The following TMEM71 variants were observed in gnomAD, a reference collection of about 807,000 sequenced individuals.
TMEM71 encodes transmembrane protein 71.
TMEM71 carries 44 observed loss-of-function variants against 38.0 expected under a neutral mutation model. The observed-to-expected ratio is 1.16, with a 90% CI of 0.91 to 1.49. The LOEUF (loss-of-function observed/expected upper bound fraction) is 1.49, where lower values mean the gene tolerates loss of function less well. Among genes scored for constraint, TMEM71 ranks in the 40% most tolerant of loss-of-function variants. TMEM71 has a pLI of 0.00. For missense variants in TMEM71, 367 were observed against 348.6 expected, an observed-to-expected ratio of 1.05 and a Z score of -0.42; for synonymous variants, 133 against 122.5, an observed-to-expected ratio of 1.09 and a Z score of -0.56.
At chr8:132,741,773 G>C (rs1377408849) in intron 5 of TMEM71, among the ~76,000 whole-genome samples, 1 of 152,194 alleles carries the variant, frequency 6.6e-6, no homozygotes, top group Non-Finnish European at 1.5e-5. Context: ...CAGCATCACA[G>C]GGAGAAGGTT....
the TMEM71 span, among the ~76,000 whole-genome samples, chr8:132,773,690 T>A: frequency 3.9e-5 from 6 of 152,200 alleles, no homozygotes; most frequent in African/African-American, 1.4e-4. Flanking sequence ...ATTTTGAACA[T>A]CATTAGCAAC....
At chr8:132,775,111 A>G in the TMEM71 span, among the ~76,000 whole-genome samples, 3 of 152,226 alleles carry the variant, frequency 2.0e-5, no homozygotes, top group South Asian at 2.1e-4. Context: ...GTGGTTCCCA[A>G]CGAATCAAGA....
chr8:132,714,604 C>G lies in TMEM71; in HGVS notation c.753-389G>C, dbSNP rs551068441. Among the ~76,000 whole-genome samples the G allele has an allele frequency of 7.2e-5, 11 of 152,258 alleles. No homozygotes were observed. The South Asian group carries it at 2.3e-3, about 32-fold the overall frequency. On this transcript the variant is annotated intron_variant, in intron 7 of 9. Coordinates refer to ENST00000677595, the MANE Select transcript of TMEM71 (RefSeq NM_001382403.1). ...AAATGTAGATCGTAAAACTGTAAAA[C>G]TTCTAGAAGAAAACATGGGGGAATA...
intron 3 of TMEM71, among the ~76,000 whole-genome samples, chr8:132,755,356 T>C (rs1217218843): frequency 6.6e-6 from 1 of 152,210 alleles, no homozygotes; most frequent in Non-Finnish European, 1.5e-5. Context: ...CAAAATTTTC[T>C]CTAGATCTTG....
chr8:132,756,444 C>G lies in TMEM71; in HGVS notation c.101+790G>C, dbSNP rs535827679. On this transcript the variant is annotated intron_variant, in intron 3 of 9. Coordinates refer to ENST00000677595, the MANE Select transcript of TMEM71 (RefSeq NM_001382403.1). ...ATATATATATATATATATATATATTCATTATTCTATTAGGCAAGTTTTTAT... is the reference window on the plus strand; with the variant it reads ...ATATATATATATATATATATATATTGATTATTCTATTAGGCAAGTTTTTAT... Among the ~76,000 whole-genome samples the G allele has an allele frequency of 5.8e-3, 537 of 92,458 alleles. 6 individuals carry two copies. The highest frequency in any genetic ancestry group is 0.029 in the African/African-American group (511 of 17,808). 60.7% of individuals were successfully genotyped at this position (92,458 alleles called of 152,430 possible). A position where few individuals can be genotyped will look rare whatever the true frequency, so the allele number is the denominator to read the frequency against.
downstream of TMEM71, among the ~76,000 whole-genome samples, chr8:132,709,231 A>G (rs1026447371): frequency 6.6e-6 from 1 of 152,232 alleles, no homozygotes; most frequent in Non-Finnish European, 1.5e-5. Flanking sequence ...CTCCATATGC[A>G]TTTAGTTCTC....
At chr8:132,712,947 C>T (rs1183887468) in intron 9 of TMEM71, among the ~76,000 whole-genome samples, 1 of 152,068 alleles carries the variant, frequency 6.6e-6, no homozygotes, top group South Asian at 2.1e-4. Context: ...ACCTCCCAGG[C>T]TCAAGCAATT....
At chr8:132,763,700 C>T (rs760431525), upstream of TMEM71, among the ~76,000 whole-genome samples, 3 of 152,172 alleles carry the variant, frequency 2.0e-5, no homozygotes, top group Non-Finnish European at 4.4e-5. Flanking sequence ...CATAATATCT[C>T]CCAAGACCCC....
chr8:132,751,898 G>T lies in TMEM71; in HGVS notation c.201C>A (p.Leu67=), dbSNP rs1478195135. 2 of 1,614,074 alleles carry T rather than the reference G, an allele frequency of 1.2e-6. No individual in the cohort carries two copies. Among genetic ancestry groups the T allele is most frequent in the Non-Finnish European group, 8.5e-7 (1 of 1,180,028 alleles). The stretch of plus-strand genomic sequence containing the variant: ...TCCAAATATAGTAGCCATTGGTGAG[G>T]AGTCTGGGACTTCGGCGACAGGTAT... The part of the protein sequence containing the change: ...SHYTCRRSPR[L]LTNGYYIWTE... Residue 67 remains leucine (L), a synonymous_variant, in exon 4 of 10, where the codon CTC becomes CTA. Transcript: ENST00000677595.
chr8:132,758,618 C>T (rs1204114099), intron 2 of TMEM71: 5 of 492,666 alleles, frequency 1.0e-5, no homozygotes, highest in African/African-American at 2.2e-5. Flanking sequence ...TAAAAAAAAA[C>T]GGTGATTTTT....
chr8:132,710,522 T>A lies in TMEM71; in HGVS notation c.*445A>T. ...ATTGTTATTCAAGTTGTCAGGTTGGTATTAGTTAGACAAACTTGCTCTCAT... is the reference window on the plus strand; with the variant it reads ...ATTGTTATTCAAGTTGTCAGGTTGGAATTAGTTAGACAAACTTGCTCTCAT... On this transcript the variant is annotated 3_prime_UTR_variant, in exon 10 of 10. Coordinates refer to ENST00000677595, the MANE Select transcript of TMEM71 (RefSeq NM_001382403.1). The A allele has an allele frequency of 3.5e-6, 1 of 283,302 alleles. No homozygotes were observed. The highest frequency in any genetic ancestry group is 6.5e-6 in the Non-Finnish European group (1 of 154,278). The allele number at this position is 283,302 out of a possible 1,614,324, so 17.5% of individuals were successfully genotyped here.
intron 6 of TMEM71, among the ~76,000 whole-genome samples, chr8:132,726,378 G>A (rs1827143766): frequency 6.6e-6 from 1 of 151,842 alleles, no homozygotes; most frequent in South Asian, 2.1e-4. Context: ...GAATATTTAT[G>A]ATTTTTTGAA....
the TMEM71 span, among the ~76,000 whole-genome samples, chr8:132,775,862 C>A: frequency 6.6e-6 from 1 of 152,180 alleles, no homozygotes; most frequent in Non-Finnish European, 1.5e-5. Context: ...GGAGGCTTCT[C>A]CAGCTCCCTG....
At chr8:132,769,347 T>C in the TMEM71 span, among the ~76,000 whole-genome samples, 2 of 152,326 alleles carry the variant, frequency 1.3e-5, no homozygotes, top group East Asian at 1.9e-4. Context: ...TTGTGTTTAG[T>C]TGTTTCTGTA....
chr8:132,775,881 G>C, the TMEM71 span, among the ~76,000 whole-genome samples: 1 of 152,092 alleles, frequency 6.6e-6, no homozygotes, highest in African/African-American at 2.4e-5. Context: ...TGCCAGCCCT[G>C]TCAGCCTTTC....
intron 5 of TMEM71, among the ~76,000 whole-genome samples, chr8:132,739,955 A>G (rs542467499): frequency 6.6e-5 from 10 of 152,268 alleles, no homozygotes; most frequent in African/African-American, 2.2e-4. Context: ...AATCACACCA[A>G]TAGCCTCTTA....
rs1349085662 is a variant in TMEM71 at position 132,710,424 on chromosome 8, C to T, written c.*543G>A. 1 of 159,268 alleles carries T rather than the reference C, an allele frequency of 6.3e-6. No individual in the cohort carries two copies. Among genetic ancestry groups the T allele is most frequent in the East Asian group, 1.8e-4 (1 of 5,476 alleles). The allele number at this position is 159,268 out of a possible 1,614,324, so 9.9% of individuals were successfully genotyped here. On this transcript the variant is annotated 3_prime_UTR_variant, in exon 10 of 10. Transcript: ENST00000677595. ...ATTAACCATCATCTACGGTTACCAC[C>T]TAATATCAAGTCACTCCACTGAGGT...
intron 4 of TMEM71, among the ~76,000 whole-genome samples, chr8:132,749,412 C>G (rs1311380872): frequency 6.6e-6 from 1 of 152,236 alleles, no homozygotes; most frequent in Non-Finnish European, 1.5e-5. Flanking sequence ...CCTGGACACA[C>G]AACTGAACTA....
At chr8:132,726,320 A>G (rs1196038184) in intron 6 of TMEM71, among the ~76,000 whole-genome samples, 1 of 152,154 alleles carries the variant, frequency 6.6e-6, no homozygotes, top group Non-Finnish European at 1.5e-5. Context: ...AACAAAATGT[A>G]CAAAGCATAT....
Sources: allele counts gnomAD v4.1 joint callset (sites outside exome capture counted in the v4.1 genomes callset), GRCh38; gene constraint gnomAD v4.1.1; transcripts MANE v1.5; gene names NCBI Gene and HGNC (gene_info 2026-07-23, HGNC 2026-07-21).